The following OR5AN1 variants were observed in gnomAD, a reference collection of about 807,000 sequenced individuals.
The protein encoded by OR5AN1 is olfactory receptor 5AN1.
For synonymous variants in OR5AN1, 167 were observed against 131.8 expected (o/e 1.27, Z -1.83); for missense variants, 476 against 368.9 (o/e 1.29, Z -2.38).
rs117971813 is a variant in OR5AN1 at position 59,361,888 on chromosome 11, G to A, written c.-13-2558G>A. 2.5e-4 allele frequency among the ~76,000 whole-genome samples: 38 copies of A among 151,950 alleles called. 1 individual carries two copies. The East Asian group carries it at 7.3e-3, about 29-fold the overall frequency. On this transcript the variant is annotated intron_variant, in intron 1 of 1. Coordinates refer to ENST00000641998, the MANE Select transcript of OR5AN1 (RefSeq NM_001004729.2). ...ATGCAGAAGCTGTAGGAAAACAAGA[G>A]AATACAGATAAGTATAAAGAAGAAA...
rs1857593345 is a variant in OR5AN1, at chr11:59,371,455, G to A, written c.*6061G>A. 6.6e-6 allele frequency: 1 copy of A among 152,172 alleles called. No homozygotes were observed. Among genetic ancestry groups the A allele is most frequent in the Non-Finnish European group, 1.5e-5 (1 of 68,026 alleles). The allele number at this position is 152,172 out of a possible 1,614,324, so 9.4% of individuals were successfully genotyped here. Reference sequence around the variant, plus strand: ...AAATTTGTTACCACCAAAGCTGAAAGCACAATTTGTGCAGAAGGAGTTACG... The same window carrying A: ...AAATTTGTTACCACCAAAGCTGAAAACACAATTTGTGCAGAAGGAGTTACG... On this transcript the variant is annotated 3_prime_UTR_variant, in exon 2 of 2. Coordinates refer to ENST00000641998, the MANE Select transcript of OR5AN1 (RefSeq NM_001004729.2).
rs116255850 is a variant in OR5AN1 at position 59,367,990 on chromosome 11, T to A, written c.*2596T>A. ...AAGTAGACCCCCAACACAGCACAGCTGTTCTACCAAAACGTGGCCAGACTG... is the reference window on the plus strand; with the variant it reads ...AAGTAGACCCCCAACACAGCACAGCAGTTCTACCAAAACGTGGCCAGACTG... On this transcript the variant is annotated 3_prime_UTR_variant, in exon 2 of 2. Transcript: ENST00000641998. The A allele has an allele frequency of 6.6e-6, 1 of 152,324 alleles. No homozygotes were observed. The highest frequency in any genetic ancestry group is 2.4e-5 in the African/African-American group (1 of 41,470). The allele number at this position is 152,324 out of a possible 1,614,324, so 9.4% of individuals were successfully genotyped here. A position where few individuals can be genotyped will look rare whatever the true frequency, so the allele number is the denominator to read the frequency against.
rs1347457654 is a variant in OR5AN1 at position 59,371,113 on chromosome 11, T to G, written c.*5719T>G. Reference sequence around the variant, plus strand: ...GGTAAGACTAGACTTTCTCTGAATATGCTATTTGGCAACTTGGTTTTTTTT... The same window carrying G: ...GGTAAGACTAGACTTTCTCTGAATAGGCTATTTGGCAACTTGGTTTTTTTT... On this transcript the variant is annotated 3_prime_UTR_variant, in exon 2 of 2. Coordinates refer to ENST00000641998, the MANE Select transcript of OR5AN1 (RefSeq NM_001004729.2). 1 of 152,048 alleles carries G rather than the reference T, an allele frequency of 6.6e-6. No homozygotes were observed. Among genetic ancestry groups the G allele is most frequent in the African/African-American group, 2.4e-5 (1 of 41,450 alleles). 9.4% of individuals were successfully genotyped at this position (152,048 alleles called of 1,614,324 possible).
At chr11:59,361,029 C>G (rs1468369179) in intron 1 of OR5AN1, among the ~76,000 whole-genome samples, 2 of 152,150 alleles carry the variant, frequency 1.3e-5, no homozygotes, top group African/African-American at 4.8e-5. Context: ...GCTTTCTCAG[C>G]TTGAGGGTAC....
At chr11:59,363,836 C>T (rs1262899965) in intron 1 of OR5AN1, among the ~76,000 whole-genome samples, 1 of 152,184 alleles carries the variant, frequency 6.6e-6, no homozygotes, top group Non-Finnish European at 1.5e-5. Context: ...GATCTCACCT[C>T]ACTGCAACCT....
Position 59,370,908 on chromosome 11 carries a change from T to C in OR5AN1, c.*5514T>C, listed in dbSNP as rs1356428999. On this transcript the variant is annotated 3_prime_UTR_variant, in exon 2 of 2. Coordinates refer to ENST00000641998, the MANE Select transcript of OR5AN1 (RefSeq NM_001004729.2). ...TTCTGTATATATACATCTTTTTTGATCAAAGCTTTACATCATTTGGATTCA... is the reference window on the plus strand; with the variant it reads ...TTCTGTATATATACATCTTTTTTGACCAAAGCTTTACATCATTTGGATTCA... 3 of 152,236 alleles carry C rather than the reference T, an allele frequency of 2.0e-5. No homozygotes were observed. Among genetic ancestry groups the C allele is most frequent in the Non-Finnish European group, 4.4e-5 (3 of 68,036 alleles). 9.4% of individuals were successfully genotyped at this position (152,236 alleles called of 1,614,324 possible).
In OR5AN1 at chr11:59,365,191, C is replaced by T. The variant is rs1244825937; in HGVS notation, c.733C>T (p.His245Tyr). 1 of 1,613,984 alleles carries T rather than the reference C, an allele frequency of 6.2e-7. No homozygotes were observed. The highest frequency in any genetic ancestry group is 8.5e-7 in the Non-Finnish European group (1 of 1,179,906). Residue 245 changes from histidine to tyrosine, a missense_variant, in exon 2 of 2, where the codon CAT becomes TAT. His to Tyr is a moderately conservative substitution (Grantham distance 83). Coordinates refer to ENST00000641998, the MANE Select transcript of OR5AN1 (RefSeq NM_001004729.2). ...CAAGGCATTCAACACCTGTGCTTCTCATCTAACAGCTGTTTCCCTCTTCTA... is the reference window on the plus strand; with the variant it reads ...CAAGGCATTCAACACCTGTGCTTCTTATCTAACAGCTGTTTCCCTCTTCTA... ...RSKAFNTCAS[H>Y]LTAVSLFYTS...
At position 59,364,786 on chromosome 11, in the gene OR5AN1, C is replaced by G; in HGVS notation, c.328C>G (p.Leu110Val). ...IQYFIFSTMG[L>V]SESCLMTAMA... ...GTACTTTATCTTTTCAACGATGGGACTGAGTGAGTCTTGTCTCATGACAGC... is the reference window on the plus strand; with the variant it reads ...GTACTTTATCTTTTCAACGATGGGAGTGAGTGAGTCTTGTCTCATGACAGC... The change falls in exon 2 of 2, where the codon CTG becomes GTG. Residue 110 changes from leucine to valine, a missense_variant. Transcript: ENST00000641998. 6.2e-7 allele frequency: 1 copy of G among 1,614,052 alleles called. No individual in the cohort carries two copies. The highest frequency in any genetic ancestry group is 1.3e-5 in the African/African-American group (1 of 75,050).
chr11:59,364,664 TC>T lies in OR5AN1; in HGVS notation c.207del (p.Phe69LeufsTer2). On this transcript the variant is annotated frameshift_variant, in exon 2 of 2. Transcript: ENST00000641998. LOFTEE classifies it low-confidence loss of function (END_TRUNC). ...TATTTCTTCCTCAGTAACCTGTCCT[TC>T]ATAGATGTCTGCTATATCAGCTCCA... ...PMYFFLSNLSFIDVCYISSTV... is the reference protein window; with the variant it reads ...PMYFFLSNLSXIDVCYISSTV... 6.2e-7 allele frequency: 1 copy of T among 1,614,000 alleles called. No individual in the cohort carries two copies. The highest frequency in any genetic ancestry group is 1.3e-5 in the African/African-American group (1 of 75,050).
intron 1 of OR5AN1, among the ~76,000 whole-genome samples, chr11:59,362,723 C>T (rs1365714068): frequency 1.3e-5 from 2 of 152,204 alleles, no homozygotes. Context: ...TGTACACTAT[C>T]TATGCATACC....
In OR5AN1 at chr11:59,364,657, C is replaced by T. The variant is rs2134484217; in HGVS notation, c.199C>T (p.Leu67=). The T allele has an allele frequency of 6.2e-7, 1 of 1,613,980 alleles. No individual in the cohort carries two copies. Among genetic ancestry groups the T allele is most frequent in the South Asian group, 1.1e-5 (1 of 91,056 alleles). Reference sequence around the variant, plus strand: ...ACCCATGTATTTCTTCCTCAGTAACCTGTCCTTCATAGATGTCTGCTATAT... The same window carrying T: ...ACCCATGTATTTCTTCCTCAGTAACTTGTCCTTCATAGATGTCTGCTATAT... ...HTPMYFFLSN[L]SFIDVCYISS... The change falls in exon 2 of 2, where the codon CTG becomes TTG. Residue 67 remains leucine, a synonymous_variant. Transcript: ENST00000641998.
intron 1 of OR5AN1, among the ~76,000 whole-genome samples, chr11:59,363,553 A>G (rs368982285): frequency 2.4e-4 from 36 of 152,354 alleles, no homozygotes; most frequent in African/African-American, 8.4e-4. Context: ...TCAAAATATT[A>G]TCAGAATTTA....
intron 1 of OR5AN1, among the ~76,000 whole-genome samples, chr11:59,361,743 T>C (rs771731159): frequency 4.6e-5 from 7 of 152,224 alleles, no homozygotes; most frequent in Non-Finnish European, 1.0e-4. Flanking sequence ...CAGGAAAGTC[T>C]ACTCTCTCAC....
Position 59,368,583 on chromosome 11 carries a change from C to G in OR5AN1, c.*3189C>G, listed in dbSNP as rs1202465889. On this transcript the variant is annotated 3_prime_UTR_variant, in exon 2 of 2. Coordinates refer to ENST00000641998, the MANE Select transcript of OR5AN1 (RefSeq NM_001004729.2). ...CGGGTCCCACACACCCCCCACCACT[C>G]ATCACCAGACAAAGAACCCCTGGCT... 1.3e-5 allele frequency: 2 copies of G among 152,628 alleles called. No homozygotes were observed. Among genetic ancestry groups the G allele is most frequent in the Admixed American group, 6.5e-5 (1 of 15,296 alleles). The allele number at this position is 152,628 out of a possible 1,614,324, so 9.5% of individuals were successfully genotyped here. A position where few individuals can be genotyped will look rare whatever the true frequency, so the allele number is the denominator to read the frequency against.
At chr11:59,359,912 C>T (rs1335241393) in intron 1 of OR5AN1, 1 of 152,162 alleles carries the variant, frequency 6.6e-6, no homozygotes, top group Admixed American at 6.5e-5. Context: ...TAGATTAGCA[C>T]TGGATAGGAT....
At chr11:59,361,721 G>T (rs1024232335) in intron 1 of OR5AN1, among the ~76,000 whole-genome samples, 1 of 152,150 alleles carries the variant, frequency 6.6e-6, no homozygotes, top group African/African-American at 2.4e-5. Context: ...CGCACAGCCT[G>T]CAAGTAAGAT....
rs1857567036 is a variant in OR5AN1, at chr11:59,369,304, T to C, written c.*3910T>C. The C allele has an allele frequency of 6.6e-6, 1 of 150,944 alleles. No homozygotes were observed. The highest frequency in any genetic ancestry group is 2.1e-4 in the South Asian group (1 of 4,794). The allele number at this position is 150,944 out of a possible 1,614,324, so 9.4% of individuals were successfully genotyped here. On this transcript the variant is annotated 3_prime_UTR_variant, in exon 2 of 2. Coordinates refer to ENST00000641998, the MANE Select transcript of OR5AN1 (RefSeq NM_001004729.2). ...AATGACAGAAATAGAATTCAGAATA[T>C]GGATAGAAAAAAAAAGATCATGGAA...
chr11:59,360,854 G>C (rs1255370777), intron 1 of OR5AN1, among the ~76,000 whole-genome samples: 1 of 152,140 alleles, frequency 6.6e-6, no homozygotes, highest in East Asian at 1.9e-4. Flanking sequence ...AACCATAATG[G>C]AAATAAAAAT....
rs770427753 is a variant in OR5AN1, at chr11:59,368,271, A to ACT, written c.*2877_*2878insCT. ...GCATAAAACAGCAGCCCTATGGAAA[A>ACT]GTGGCCAGAGTGTTTCGTGGGTTTC... On this transcript the variant is annotated 3_prime_UTR_variant, in exon 2 of 2. Coordinates refer to ENST00000641998, the MANE Select transcript of OR5AN1 (RefSeq NM_001004729.2). The ACT allele has an allele frequency of 6.6e-6, 1 of 152,286 alleles. No homozygotes were observed. Among genetic ancestry groups the ACT allele is most frequent in the African/African-American group, 2.4e-5 (1 of 41,440 alleles). 9.4% of individuals were successfully genotyped at this position (152,286 alleles called of 1,614,324 possible). A position where few individuals can be genotyped will look rare whatever the true frequency, so the allele number is the denominator to read the frequency against.
Sources: allele counts gnomAD v4.1 joint callset (sites outside exome capture counted in the v4.1 genomes callset), GRCh38; gene constraint gnomAD v4.1.1; transcripts MANE v1.5; gene names NCBI Gene and HGNC (gene_info 2026-07-23, HGNC 2026-07-21).